Variants in ZNF567 observed in about 807,000 individuals in gnomAD.
The protein encoded by ZNF567 is zinc finger protein 567.
Under a neutral mutation model 53.9 loss-of-function variants are expected in ZNF567, and 36 were observed. The observed-to-expected ratio is 0.67, with a 90% CI of 0.51 to 0.88. The LOEUF is 0.88. Ranked by LOEUF, ZNF567 falls within the 40% of genes least tolerant of loss-of-function variation. The pLI is 0.00. For synonymous variants in ZNF567, 224 were observed against 260.4 expected (o/e 0.86, Z 1.35); for missense variants, 619 against 764.7 (o/e 0.81, Z 2.25).
the ZNF567 span, among the ~76,000 whole-genome samples, chr19:36,670,266 A>C: frequency 5.9e-5 from 9 of 152,274 alleles, no homozygotes; most frequent in African/African-American, 1.9e-4. Flanking sequence ...AATTGGACTA[A>C]ATCTACTTAG....
At chr19:36,696,470 A>G (rs2038895111) in intron 3 of ZNF567, among the ~76,000 whole-genome samples, 2 of 152,194 alleles carry the variant, frequency 1.3e-5, no homozygotes, top group South Asian at 4.1e-4. Flanking sequence ...CTTCATGCAC[A>G]TGTCTGAGAT....
rs539560342 is a variant in ZNF567, at chr19:36,703,941, C to T, written c.10-8445C>T. On this transcript the variant is annotated intron_variant, in intron 3 of 5. Coordinates refer to ENST00000682579, the MANE Select transcript of ZNF567 (RefSeq NM_001322917.1). ...GCGCATGGTGCGCTGCACCCACTGT[C>T]CTGCGCCCACTGTCTGGCACTCCCT... is the stretch of plus-strand genomic sequence containing the variant. Among the ~76,000 whole-genome samples, 289 of 152,210 alleles carry T rather than the reference C, an allele frequency of 1.9e-3. 1 individual carries two copies. The highest frequency in any genetic ancestry group is 3.4e-3 in the Non-Finnish European group (234 of 68,036).
the ZNF567 span, among the ~76,000 whole-genome samples, chr19:36,677,458 CAAAAAAAAA>C: frequency 5.9e-5 from 3 of 50,912 alleles, no homozygotes; most frequent in Admixed American, 3.4e-4. Flanking sequence ...GACTCTGTCT[CAAAAAAAAA>C]AAAAAAAAAA....
chr19:36,720,648 G>A lies in ZNF567; in HGVS notation c.1924G>A (p.Glu642Lys), dbSNP rs2040269957. The A allele has an allele frequency of 6.5e-7, 1 of 1,539,750 alleles. No homozygotes were observed. The highest frequency in any genetic ancestry group is 8.7e-7 in the Non-Finnish European group (1 of 1,146,102). Residue 642 changes from glutamate (E) to lysine (K), a missense_variant, in exon 6 of 6, where the codon GAA (glutamate) becomes AAA (lysine). Transcript: ENST00000682579. ...TGTCCATCAAAGAACTCACAAGGGAGAAAACATTGAAATGCAATAAATGAT... is the reference window on the plus strand; with the variant it reads ...TGTCCATCAAAGAACTCACAAGGGAAAAAACATTGAAATGCAATAAATGAT... ...LIVHQRTHKG[E>K]NIEMQ
At chr19:36,682,615 T>TC (rs955413219), upstream of ZNF567, among the ~76,000 whole-genome samples, 1 of 147,188 alleles carries the variant, frequency 6.8e-6, no homozygotes, top group African/African-American at 2.5e-5. Context: ...TTATTATTAT[T>TC]TTTTTTTTTT....
At chr19:36,697,918 C>CTTTTTT (rs71171464) in intron 3 of ZNF567, among the ~76,000 whole-genome samples, 1 of 135,742 alleles carries the variant, frequency 7.4e-6, no homozygotes, top group Non-Finnish European at 1.6e-5. Flanking sequence ...GCTGGAATTT[C>CTTTTTT]TTTTTTTTTT....
intron 1 of ZNF567, among the ~76,000 whole-genome samples, chr19:36,688,177 C>T (rs970963230): frequency 1.3e-5 from 2 of 151,826 alleles, no homozygotes; most frequent in African/African-American, 2.4e-5. Flanking sequence ...AAGGTTGTTA[C>T]TTTTTGTAGA....
downstream of ZNF567, chr19:36,723,210 G>C (rs1057438718): frequency 5.7e-6 from 4 of 702,750 alleles, no homozygotes; most frequent in African/African-American, 7.0e-5. Flanking sequence ...GGCCTAACTG[G>C]ATGTTTATCC....
the ZNF567 span, among the ~76,000 whole-genome samples, chr19:36,680,703 C>T: frequency 6.6e-6 from 1 of 152,174 alleles, no homozygotes; most frequent in South Asian, 2.1e-4. Flanking sequence ...TGGAGCGCTC[C>T]TAGAGATTCT....
chr19:36,679,704 G>A, the ZNF567 span, among the ~76,000 whole-genome samples: 16 of 152,274 alleles, frequency 1.1e-4, no homozygotes, highest in Middle Eastern at 0.014. Context: ...AGGATATTAT[G>A]TTAAGTGAAA....
intron 1 of ZNF567, among the ~76,000 whole-genome samples, chr19:36,688,793 C>G (rs1161711399): frequency 1.8e-5 from 2 of 113,312 alleles, no homozygotes; most frequent in Non-Finnish European, 3.5e-5. Flanking sequence ...GGTGGCAGAG[C>G]AAGACTCCGT....
chr19:36,679,315 G>T, the ZNF567 span, among the ~76,000 whole-genome samples: 1 of 152,124 alleles, frequency 6.6e-6, no homozygotes, highest in Non-Finnish European at 1.5e-5. Context: ...AGATATTACC[G>T]TGCACCTGTT....
At chr19:36,703,911 G>A (rs1010427534) in intron 3 of ZNF567, among the ~76,000 whole-genome samples, 37 of 152,258 alleles carry the variant, frequency 2.4e-4, no homozygotes, top group African/African-American at 7.2e-4. Flanking sequence ...GCCCTGCTTC[G>A]TCTCGCGCAT....
At chr19:36,707,633 A>G (rs2039565060) in intron 3 of ZNF567, among the ~76,000 whole-genome samples, 1 of 152,108 alleles carries the variant, frequency 6.6e-6, no homozygotes, top group African/African-American at 2.4e-5. Flanking sequence ...GCTAGAGTGC[A>G]ATGGTGTGAT....
Position 36,712,812 on chromosome 19 carries a change from C to G in ZNF567, c.168C>G (p.Leu56=). Residue 56 remains leucine (L), a synonymous_variant, in exon 5 of 6, where the codon CTC becomes CTG. Transcript: ENST00000682579. ...GCHMTKPDVI[L]KLERGEEPWT... is the part of the protein sequence containing the mutation. ...ACATGACCAAACCTGATGTGATCCTCAAGTTGGAACGAGGAGAAGAGCCAT... is the reference window on the plus strand; with the variant it reads ...ACATGACCAAACCTGATGTGATCCTGAAGTTGGAACGAGGAGAAGAGCCAT... 1 of 1,614,070 alleles carries G rather than the reference C, an allele frequency of 6.2e-7. No individual in the cohort carries two copies. Among genetic ancestry groups the G allele is most frequent in the Non-Finnish European group, 8.5e-7 (1 of 1,180,002 alleles).
the ZNF567 span, among the ~76,000 whole-genome samples, chr19:36,680,922 A>T: frequency 6.6e-6 from 1 of 152,258 alleles, no homozygotes; most frequent in South Asian, 2.1e-4. Context: ...TCCAGGATGA[A>T]CTACTCATCT....
chr19:36,677,985 C>G, the ZNF567 span, among the ~76,000 whole-genome samples: 4 of 152,048 alleles, frequency 2.6e-5, 1 homozygote, highest in South Asian at 4.1e-4. Context: ...TCATATTTTC[C>G]TCTCCCTGAA....
chr19:36,723,075 G>A (rs2040317750), downstream of ZNF567: 2 of 667,064 alleles, frequency 3.0e-6, no homozygotes, highest in South Asian at 3.2e-5. Flanking sequence ...AGAACCCAAG[G>A]ATTTTGTCAT....
intron 3 of ZNF567, among the ~76,000 whole-genome samples, chr19:36,698,814 G>T (rs533270260): frequency 2.4e-4 from 37 of 152,200 alleles, no homozygotes; most frequent in Non-Finnish European, 4.0e-4. Flanking sequence ...ATAGATTCTG[G>T]ATATTAGCCC....
Sources: gnomAD v4.1 joint callset for allele counts (sites outside exome capture counted in the v4.1 genomes callset) on GRCh38, gnomAD v4.1.1 for gene constraint, MANE v1.5 for transcripts, NCBI Gene and HGNC (gene_info 2026-07-23, HGNC 2026-07-21) for gene names.